Variants in PEAK1 observed in about 807,000 individuals in gnomAD.
The protein encoded by PEAK1 is inactive tyrosine-protein kinase PEAK1.
A neutral mutation model predicts 124.7 loss-of-function variants in PEAK1; 54 were observed. The ratio of observed to expected loss-of-function variants is 0.43; its 90% CI spans 0.35 to 0.54. The LOEUF is 0.54. Among genes scored for constraint, PEAK1 ranks in the 20% least tolerant of loss-of-function variants. PEAK1 has a pLI of 0.01. For synonymous variants in PEAK1, 719 were observed against 760.0 expected (o/e 0.95, Z 0.89); for missense variants, 2,046 against 2,134.5 (o/e 0.96, Z 0.82).
chr15:77,239,885 A>G (rs2060279929), intron 6 of PEAK1: 2 of 973,564 alleles, frequency 2.1e-6, no homozygotes, highest in Admixed American at 1.2e-4. Context: ...TTGAGAGAGT[A>G]AAATCTGTCA....
chr15:77,316,248 C>T (rs1159613870), intron 2 of PEAK1, among the ~76,000 whole-genome samples: 1 of 152,132 alleles, frequency 6.6e-6, no homozygotes, highest in Non-Finnish European at 1.5e-5. Context: ...ATGATAAATA[C>T]ATGTTCACCA....
At chr15:77,297,813 T>C (rs1411144182) in intron 2 of PEAK1, among the ~76,000 whole-genome samples, 1 of 146,096 alleles carries the variant, frequency 6.8e-6, no homozygotes, top group African/African-American at 2.6e-5. Flanking sequence ...AATCCCAGCA[T>C]TTTGGGAGGC....
chr15:77,332,154 G>A, intron 2 of PEAK1: 2 of 935,492 alleles, frequency 2.1e-6, no homozygotes, highest in Non-Finnish European at 2.5e-6. Flanking sequence ...TTAAAAATAA[G>A]TTGCTTTAGA....
chr15:77,304,441 CATTTTTT>C (rs1190175443), intron 2 of PEAK1, among the ~76,000 whole-genome samples: 14 of 124,738 alleles, frequency 1.1e-4, no homozygotes, highest in African/African-American at 3.1e-4. Context: ...CTCCTGTATA[CATTTTTT>C]TTTTTTTTTT....
chr15:77,278,832 G>T (rs1224441180), intron 5 of PEAK1: 55 of 225,996 alleles, frequency 2.4e-4, no homozygotes, highest in Middle Eastern at 1.7e-3. Context: ...AATTTTGTGG[G>T]TTTTTTTTTT....
At chr15:77,202,516 C>A (rs548769476) in intron 6 of PEAK1, among the ~76,000 whole-genome samples, 1 of 152,022 alleles carries the variant, frequency 6.6e-6, no homozygotes, top group South Asian at 2.1e-4. Flanking sequence ...CCTGTAATCC[C>A]AGCACTTTGG....
intron 1 of PEAK1, among the ~76,000 whole-genome samples, chr15:77,380,257 A>G (rs1214429410): frequency 6.6e-6 from 1 of 152,142 alleles, no homozygotes; most frequent in Non-Finnish European, 1.5e-5. Context: ...ATGTAATAAT[A>G]CAGGCCGATG....
intron 2 of PEAK1, 103 bp from the exon 3 acceptor site, chr15:77,286,607 C>A: frequency 2.0e-6 from 1 of 499,012 alleles, no homozygotes; most frequent in South Asian, 1.1e-4. Flanking sequence ...GAATCAAACT[C>A]TTACTTATTC....
chr15:77,223,796 A>G (rs1018800071), intron 6 of PEAK1, among the ~76,000 whole-genome samples: 1 of 151,914 alleles, frequency 6.6e-6, no homozygotes, highest in Admixed American at 6.6e-5. Flanking sequence ...TGAAAACAGT[A>G]GCTCTGCCAG....
intron 7 of PEAK1, among the ~76,000 whole-genome samples, chr15:77,174,720 A>C (rs2056736073): frequency 6.6e-6 from 1 of 152,198 alleles, no homozygotes; most frequent in Admixed American, 6.5e-5. Context: ...CAAGCTACCA[A>C]TGACTTTCTT....
At chr15:77,193,120 T>A (rs1165216747) in intron 6 of PEAK1, among the ~76,000 whole-genome samples, 2 of 152,316 alleles carry the variant, frequency 1.3e-5, no homozygotes, top group Admixed American at 1.3e-4. Flanking sequence ...TTCAAACAAA[T>A]TTAACAAGAG....
chr15:77,178,974 G>A lies in PEAK1; in HGVS notation c.2953C>T (p.Pro985Ser). The A allele has an allele frequency of 6.2e-7, 1 of 1,614,066 alleles. No homozygotes were observed. Among genetic ancestry groups the A allele is most frequent in the Non-Finnish European group, 8.5e-7 (1 of 1,180,012 alleles). ...CACCTGTACATGAAGACAATGGCTG[G>A]TTTCTCACTGGACTCTCCTTTCGCC... ...TEAKGESSEKPAIVFMYRCDP... is the reference protein window; with the variant it reads ...TEAKGESSEKSAIVFMYRCDP... Residue 985 changes from proline (P) to serine (S), a missense_variant, in exon 7 of 10, where the codon CCA (proline) becomes TCA (serine). Physicochemically the swap from Pro to Ser is moderately conservative, Grantham distance 74. Coordinates refer to ENST00000682557, the MANE Select transcript of PEAK1 (RefSeq NM_001385026.1).
At chr15:77,402,463 G>A (rs2071455063) in intron 1 of PEAK1, 3 of 983,738 alleles carry the variant, frequency 3.0e-6, no homozygotes, top group Non-Finnish European at 3.6e-6. Flanking sequence ...TTTTAGTAAT[G>A]TGCCATATTT....
intron 1 of PEAK1, among the ~76,000 whole-genome samples, chr15:77,397,373 C>T (rs2070978552): frequency 6.6e-6 from 1 of 151,844 alleles, no homozygotes; most frequent in Non-Finnish European, 1.5e-5. Context: ...AATTTCAAAT[C>T]AGCAAGCTAA....
exon 7 of PEAK1, chr15:77,100,910 G>C (rs2050688426): frequency 6.6e-6 from 1 of 152,218 alleles, no homozygotes; most frequent in South Asian, 2.1e-4. Flanking sequence ...ATGCAAGGCA[G>C]TGTCATGAGG....
chr15:77,175,828 C>A (rs1415752396), intron 7 of PEAK1, among the ~76,000 whole-genome samples: 1 of 152,156 alleles, frequency 6.6e-6, no homozygotes, highest in African/African-American at 2.4e-5. Flanking sequence ...GCATTATTCA[C>A]AATAGCAAAG....
In PEAK1 at chr15:77,181,276, C is replaced by A; in HGVS notation, c.651G>T (p.Val217=). The change falls in exon 7 of 10, where the codon GTG becomes GTT. Residue 217 remains valine (V), a synonymous_variant. Transcript: ENST00000682557. ...KHVILSGSTE[V]ISNEGGRFCY... ...AGAACCGGCCCCCTTCATTACTAAT[C>A]ACTTCTGTGCTCCCACTCAGAATAA... 6.2e-7 allele frequency: 1 copy of A among 1,614,048 alleles called. No individual in the cohort carries two copies. Among genetic ancestry groups the A allele is most frequent in the African/African-American group, 1.3e-5 (1 of 75,052 alleles).
intron 2 of PEAK1, chr15:77,330,776 T>C (rs1419929959): frequency 1.3e-5 from 2 of 152,678 alleles, no homozygotes; most frequent in African/African-American, 4.8e-5. Flanking sequence ...GTGCACCTTA[T>C]CACCCTACTC....
At chr15:77,282,363 C>G (rs987338388) in intron 5 of PEAK1, among the ~76,000 whole-genome samples, 1 of 152,214 alleles carries the variant, frequency 6.6e-6, no homozygotes, top group Non-Finnish European at 1.5e-5. Flanking sequence ...AGGAAAAACA[C>G]TTAATTTAAT....
Sources: gnomAD v4.1 joint callset for allele counts (sites outside exome capture counted in the v4.1 genomes callset) on GRCh38, gnomAD v4.1.1 for gene constraint, MANE v1.5 for transcripts, NCBI Gene and HGNC (gene_info 2026-07-23, HGNC 2026-07-21) for gene names.